Variants in CC2D1B observed in about 807,000 individuals in gnomAD.
CC2D1B encodes the protein coiled-coil and C2 domain-containing protein 1B.
CC2D1B carries 92 observed loss-of-function variants against 110.8 expected under a neutral mutation model. The observed-to-expected ratio is 0.83, with a 90% CI of 0.70 to 0.99. The LOEUF is 0.99. CC2D1B is among the 50% of genes least tolerant of loss of function. The pLI is 0.00. For synonymous variants in CC2D1B, 406 were observed against 429.2 expected (o/e 0.95, Z 0.67); for missense variants, 1,136 against 1,089.0 (o/e 1.04, Z -0.61).
Position 52,350,635 on chromosome 1 carries a change from C to T in CC2D1B, c.*2590G>A, listed in dbSNP as rs774372056. The T allele has an allele frequency of 3.3e-5, 5 of 152,152 alleles. No individual in the cohort carries two copies. Among genetic ancestry groups the T allele is most frequent in the Non-Finnish European group, 5.9e-5 (4 of 68,038 alleles). 9.4% of individuals were successfully genotyped at this position (152,152 alleles called of 1,614,324 possible). A position where few individuals can be genotyped will look rare whatever the true frequency, so the allele number is the denominator to read the frequency against. On this transcript the variant is annotated 3_prime_UTR_variant, in exon 25 of 25. Transcript: ENST00000284376. ...CTGTAGTTTATTCAGTTTGCTAATT[C>T]AGAAGAAAGTGTGCATTGCATGAGA...
At chr1:52,363,310 G>A (rs1553143366) in intron 2 of CC2D1B, among the ~76,000 whole-genome samples, 1 of 151,654 alleles carries the variant, frequency 6.6e-6, no homozygotes, top group South Asian at 2.1e-4. Flanking sequence ...CAGGAGAATG[G>A]CGTGAACCCG....
chr1:52,363,410 AAAG>A (rs1431511408), intron 2 of CC2D1B, among the ~76,000 whole-genome samples: 2 of 151,926 alleles, frequency 1.3e-5, no homozygotes, highest in Middle Eastern at 3.2e-3. Context: ...AAAAAAAAAA[AAAG>A]AAGGTCCTAT....
At chr1:52,353,333 G>A in intron 24 of CC2D1B, 110 bp from the exon 25 acceptor site, 1 of 1,482,372 alleles carries the variant, frequency 6.7e-7, no homozygotes. Context: ...TTAAACCTTG[G>A]AAGGTTACCT....
In CC2D1B at chr1:52,358,477, A is replaced by G; in HGVS notation, c.1331-16T>C. The G allele has an allele frequency of 6.2e-7, 1 of 1,612,442 alleles. No homozygotes were observed. Among genetic ancestry groups the G allele is most frequent in the East Asian group, 2.2e-5 (1 of 44,860 alleles). ...GGGGGAAATCCTGTGGGAGAGAGAC[A>G]GCATGGGAGGGGCAGGGAGCAGCCT... On this transcript the variant is annotated splice_polypyrimidine_tract_variant and intron_variant, in intron 12 of 24. Transcript: ENST00000284376.
At position 52,359,291 on chromosome 1, in the gene CC2D1B, C is replaced by A; in HGVS notation, c.1085G>T (p.Arg362Leu). ...GTCAGGGGCCATCACTGGCTGCACT[C>A]GCTCCACGGCTGGGGGAATGACTGA... is the stretch of plus-strand genomic sequence containing the variant. ...APSVIPPAVE[R>L]VQPVMAPDVP... is the part of the protein sequence containing the mutation. The change falls in exon 10 of 25, where the codon CGA (arginine) becomes CTA (leucine). Residue 362 changes from arginine to leucine, a missense_variant. By Grantham distance (102) the Arg-to-Leu change is moderately radical (BLOSUM62 -2). Coordinates refer to ENST00000284376, the MANE Select transcript of CC2D1B (RefSeq NM_001330585.2). 3.1e-6 allele frequency: 5 copies of A among 1,613,220 alleles called. No individual in the cohort carries two copies. The highest frequency in any genetic ancestry group is 4.2e-6 in the Non-Finnish European group (5 of 1,179,686).
chr1:52,355,497 C>T (rs771765313), intron 20 of CC2D1B, 48 bp from the exon 21 acceptor site: 1 of 1,611,222 alleles, frequency 6.2e-7, no homozygotes, highest in Non-Finnish European at 8.5e-7. Context: ...AACAAAGAGG[C>T]ACACAGGGCA....
intron 18 of CC2D1B, 115 bp from the exon 19 acceptor site, chr1:52,355,959 C>A: frequency 9.1e-7 from 1 of 1,095,062 alleles, no homozygotes; most frequent in Non-Finnish European, 1.4e-6. Context: ...GAAGGCAGAG[C>A]TGGTATGCAG....
rs1191773640 is a variant in CC2D1B at position 52,357,090 on chromosome 1, T to G, written c.1789A>C (p.Ile597Leu). 1.2e-6 allele frequency: 2 copies of G among 1,613,282 alleles called. No homozygotes were observed. The highest frequency in any genetic ancestry group is 1.3e-5 in the African/African-American group (1 of 74,996). Reference protein sequence around the residue: ...SPLTDEEGDFILIHHEDLRLS... With the variant: ...SPLTDEEGDFLLIHHEDLRLS... ...CGCAGGTCCTCATGGTGGATGAGGA[T>G]GAAGTCACCCTCCTCATCCGTCAAG... The change falls in exon 16 of 25, where the codon ATC (isoleucine) becomes CTC (leucine). Residue 597 changes from isoleucine to leucine, a missense_variant. Physicochemically the swap from Ile to Leu is conservative, Grantham distance 5 (BLOSUM62 2). Coordinates refer to ENST00000284376, the MANE Select transcript of CC2D1B (RefSeq NM_001330585.2).
intron 15 of CC2D1B, 186 bp from the exon 16 acceptor site, chr1:52,357,312 C>A: frequency 1.1e-6 from 1 of 908,174 alleles, no homozygotes; most frequent in Non-Finnish European, 1.6e-6. Context: ...CCAGCCTTGT[C>A]ATCTCTGACC....
At position 52,353,079 on chromosome 1, in the gene CC2D1B, TG is replaced by T; in HGVS notation, c.*145del. On this transcript the variant is annotated 3_prime_UTR_variant, in exon 25 of 25. Coordinates refer to ENST00000284376, the MANE Select transcript of CC2D1B (RefSeq NM_001330585.2). ...CCAACAACAGGAAAGACCAGAGTCGTGGTCAGTAGTGCACATGCTTAACAGG... is the reference window on the plus strand; with the variant it reads ...CCAACAACAGGAAAGACCAGAGTCGTGTCAGTAGTGCACATGCTTAACAGG... 1 of 769,096 alleles carries T rather than the reference TG, an allele frequency of 1.3e-6. No homozygotes were observed. Among genetic ancestry groups the T allele is most frequent in the Non-Finnish European group, 2.0e-6 (1 of 508,306 alleles). 47.6% of individuals were successfully genotyped at this position (769,096 alleles called of 1,614,324 possible).
At chr1:52,353,480 AG>A (rs771221573) in intron 24 of CC2D1B, 37 bp downstream of exon 24, 1 of 1,575,302 alleles carries the variant, frequency 6.3e-7, no homozygotes. Context: ...GAGTAAAAGG[AG>A]GGGGCAAAGG....
At position 52,357,009 on chromosome 1, in the gene CC2D1B, G is replaced by A. The variant is rs761536448; in HGVS notation, c.1870C>T (p.Gln624Ter). 6.4e-6 allele frequency: 10 copies of A among 1,556,382 alleles called. No homozygotes were observed. Among genetic ancestry groups the A allele is most frequent in the Non-Finnish European group, 7.0e-6 (8 of 1,149,590 alleles). Residue 624 changes from glutamine to a stop codon, truncating the protein, a stop_gained, in exon 16 of 25, where the codon CAA (glutamine) becomes TAA (stop). Transcript: ENST00000284376. LOFTEE classifies it high-confidence loss of function. ...YAQLQKMLLEQQEKCLLFSKQ... is the reference protein window; with the variant it reads ...YAQLQKMLLE ...ACGAGGGGCCTGCTGACCTCTTGTT[G>A]CTCCAGAAGCATTTTTTGCAGCTGG...
At chr1:52,354,247 A>ATCAGTAAGGAGC in intron 23 of CC2D1B, 1 of 419,856 alleles carries the variant, frequency 2.4e-6, no homozygotes, top group Non-Finnish European at 4.6e-6. Flanking sequence ...TACATAGGTT[A>ATCAGTAAGGAGC]TCAGTAAGGA....
Position 52,355,751 on chromosome 1 carries a change from AG to A in CC2D1B, c.2128+19del. 4 of 1,613,698 alleles carry A rather than the reference AG, an allele frequency of 2.5e-6. No homozygotes were observed. In the South Asian group the frequency reaches 4.4e-5, roughly 18 times the overall value. ...TGTCCGGGCAAGAGCCTCCTGGAGT[AG>A]GGGCGGCCCTAGGGTTACCTGGAGG... On this transcript the variant is annotated intron_variant, in intron 19 of 24. Coordinates refer to ENST00000284376, the MANE Select transcript of CC2D1B (RefSeq NM_001330585.2).
intron 5 of CC2D1B, 122 bp downstream of exon 5, chr1:52,360,852 G>T: frequency 8.0e-7 from 1 of 1,245,392 alleles, no homozygotes; most frequent in Non-Finnish European, 1.1e-6. Flanking sequence ...GCTTGGGGCG[G>T]CTGCTGGGGG....
intron 16 of CC2D1B, chr1:52,356,765 C>G (rs1282219356): frequency 1.7e-6 from 1 of 599,468 alleles, no homozygotes; most frequent in African/African-American, 1.9e-5. Flanking sequence ...ACGCACATCA[C>G]AATGTTCTTT....
At position 52,357,770 on chromosome 1, in the gene CC2D1B, C is replaced by T; in HGVS notation, c.1579+11G>A. On this transcript the variant is annotated intron_variant, in intron 14 of 24. Transcript: ENST00000284376. ...GCCCTCAGTTCTTCACCCTGCTTGT[C>T]CCCAACTCACCAGATGGACTCGGTG... The T allele has an allele frequency of 6.3e-7, 1 of 1,594,664 alleles. No homozygotes were observed. Among genetic ancestry groups the T allele is most frequent in the East Asian group, 2.2e-5 (1 of 44,682 alleles).
At chr1:52,354,052 A>G (rs1349673585) in intron 23 of CC2D1B, among the ~76,000 whole-genome samples, 3 of 152,068 alleles carry the variant, frequency 2.0e-5, no homozygotes, top group African/African-American at 4.8e-5. Context: ...GTTCCTTCCC[A>G]TTCACCACGC....
At position 52,364,639 on chromosome 1, in the gene CC2D1B, G is replaced by A. The variant is rs1454892947; in HGVS notation, c.-14-5C>T. On this transcript the variant is annotated splice_region_variant and splice_polypyrimidine_tract_variant and intron_variant, in intron 1 of 24. Transcript: ENST00000284376. ...GCATCATGGCAGCCTAGATACCTAT[G>A]GAAGAGTTACAGAGATTCAGGCTGG... is the stretch of plus-strand genomic sequence containing the variant. The A allele has an allele frequency of 6.3e-7, 1 of 1,593,438 alleles. No individual in the cohort carries two copies. Among genetic ancestry groups the A allele is most frequent in the South Asian group, 1.1e-5 (1 of 89,976 alleles).
Sources: allele counts gnomAD v4.1 joint callset (sites outside exome capture counted in the v4.1 genomes callset), GRCh38; gene constraint gnomAD v4.1.1; transcripts MANE v1.5; gene names NCBI Gene and HGNC (gene_info 2026-07-23, HGNC 2026-07-21).